The following RARS2 variants were observed in gnomAD, a reference collection of about 807,000 sequenced individuals.
RARS2 encodes the protein probable arginine--tRNA ligase, mitochondrial.
Under a neutral mutation model 88.5 loss-of-function variants are expected in RARS2, and 67 were observed. That is an observed-to-expected ratio of 0.76 (90% CI 0.62 to 0.93). The LOEUF (loss-of-function observed/expected upper bound fraction) is 0.93, where lower values mean the gene tolerates loss of function less well. RARS2 is among the 40% of genes least tolerant of loss of function. RARS2 has a pLI of 0.00. For synonymous variants in RARS2, 239 were observed against 230.3 expected, an observed-to-expected ratio of 1.04 and a Z score of -0.34; for missense variants, 664 against 684.2, an observed-to-expected ratio of 0.97 and a Z score of 0.33.
intron 1 of RARS2, among the ~76,000 whole-genome samples, chr6:87,574,858 T>G (rs1044039288): frequency 6.6e-6 from 1 of 152,094 alleles, no homozygotes; most frequent in Admixed American, 6.5e-5. Flanking sequence ...CATAACAGTA[T>G]AGTCATAATT....
At chr6:87,538,024 T>A (rs1779740525) in intron 8 of RARS2, among the ~76,000 whole-genome samples, 1 of 152,240 alleles carries the variant, frequency 6.6e-6, no homozygotes, top group Non-Finnish European at 1.5e-5. Context: ...AACATTTGCT[T>A]AAAGCTCAAA....
At chr6:87,562,963 A>G (rs926032031) in intron 3 of RARS2, among the ~76,000 whole-genome samples, 178 bp from the exon 4 acceptor site, 1 of 151,934 alleles carries the variant, frequency 6.6e-6, no homozygotes, top group Non-Finnish European at 1.5e-5. Context: ...AAGTAAACAC[A>G]TTTTCTTTTT....
chr6:87,569,650 G>A, intron 1 of RARS2, 60 bp from the exon 2 acceptor site: 2 of 1,286,326 alleles, frequency 1.6e-6, no homozygotes, highest in Admixed American at 1.7e-5. Context: ...CCATTCAATG[G>A]AATACCACTT....
intron 9 of RARS2, among the ~76,000 whole-genome samples, chr6:87,530,078 A>C (rs1028402922): frequency 2.0e-5 from 3 of 151,994 alleles, no homozygotes; most frequent in Non-Finnish European, 4.4e-5. Flanking sequence ...CACACTATTC[A>C]CCCTTCAAGC....
chr6:87,568,144 T>C (rs1032683535), intron 2 of RARS2, among the ~76,000 whole-genome samples: 1 of 152,178 alleles, frequency 6.6e-6, no homozygotes, highest in Non-Finnish European at 1.5e-5. Flanking sequence ...GGAAATCCTA[T>C]TCAAAAGATG....
chr6:87,557,616 C>A, intron 4 of RARS2, among the ~76,000 whole-genome samples: 1 of 152,194 alleles, frequency 6.6e-6, no homozygotes, highest in Non-Finnish European at 1.5e-5. Context: ...AAGTCCCTTT[C>A]GATCATCTGT....
intron 1 of RARS2, among the ~76,000 whole-genome samples, chr6:87,574,555 T>G (rs189534144): frequency 7.0e-4 from 106 of 151,736 alleles, no homozygotes; most frequent in Non-Finnish European, 1.2e-3. Context: ...GTGATCAAAC[T>G]GAAATAAACA....
At chr6:87,544,371 T>C (rs1460375608) in intron 7 of RARS2, among the ~76,000 whole-genome samples, 1 of 152,256 alleles carries the variant, frequency 6.6e-6, no homozygotes, top group Non-Finnish European at 1.5e-5. Context: ...GTGCTTCTTA[T>C]GTGACAAGCA....
At chr6:87,526,268 C>T (rs1336024563) in intron 10 of RARS2, among the ~76,000 whole-genome samples, 4 of 152,160 alleles carry the variant, frequency 2.6e-5, no homozygotes, top group South Asian at 4.1e-4. Context: ...ATAATCCCAG[C>T]ACTTTGGGGG....
intron 5 of RARS2, 92 bp downstream of exon 5, chr6:87,555,316 T>C (rs1582643805): frequency 2.1e-6 from 2 of 951,362 alleles, no homozygotes; most frequent in South Asian, 2.8e-5. Flanking sequence ...TTTCCACATG[T>C]TATTTATTAA....
chr6:87,577,775 G>A (rs769201023), intron 1 of RARS2, among the ~76,000 whole-genome samples: 1 of 152,172 alleles, frequency 6.6e-6, no homozygotes, highest in African/African-American at 2.4e-5. Flanking sequence ...ATTTGTGAGA[G>A]TGCCAATGTC....
At chr6:87,523,381 TAAC>T (rs907186948) in intron 11 of RARS2, among the ~76,000 whole-genome samples, 15 of 152,176 alleles carry the variant, frequency 9.9e-5, no homozygotes, top group Non-Finnish European at 1.5e-5. Flanking sequence ...TTGTCTGCTA[TAAC>T]AACTTTCATT....
chr6:87,537,976 T>C (rs778498486), intron 8 of RARS2, among the ~76,000 whole-genome samples: 3 of 152,226 alleles, frequency 2.0e-5, no homozygotes, highest in African/African-American at 4.8e-5. Flanking sequence ...AATTGAGTTG[T>C]TGACATTCAG....
At chr6:87,552,431 T>G (rs1042696878) in intron 5 of RARS2, among the ~76,000 whole-genome samples, 11 of 152,240 alleles carry the variant, frequency 7.2e-5, no homozygotes, top group African/African-American at 2.6e-4. Flanking sequence ...ATGTGAACTG[T>G]CAGAGGCAAA....
intron 8 of RARS2, among the ~76,000 whole-genome samples, chr6:87,536,697 T>G (rs1779293637): frequency 6.6e-6 from 1 of 152,068 alleles, no homozygotes; most frequent in Admixed American, 6.6e-5. Flanking sequence ...GGAAAGGCTT[T>G]TTGATATATT....
At chr6:87,572,788 G>A (rs888728895) in intron 1 of RARS2, among the ~76,000 whole-genome samples, 3 of 152,050 alleles carry the variant, frequency 2.0e-5, no homozygotes, top group African/African-American at 7.2e-5. Flanking sequence ...GGGGACTTAA[G>A]CACATAAAAT....
chr6:87,570,093 C>T (rs1769183122), intron 1 of RARS2, among the ~76,000 whole-genome samples: 1 of 151,966 alleles, frequency 6.6e-6, no homozygotes, highest in Admixed American at 6.6e-5. Context: ...TACAAATAAA[C>T]AAGTAAATAA....
At chr6:87,550,921 T>C (rs1784135736) in intron 5 of RARS2, among the ~76,000 whole-genome samples, 1 of 151,998 alleles carries the variant, frequency 6.6e-6, no homozygotes, top group Non-Finnish European at 1.5e-5. Context: ...GATTAATAGA[T>C]ACCCACAGAG....
chr6:87,529,663 A>C lies in RARS2; in HGVS notation c.772-15T>G. The C allele has an allele frequency of 6.5e-7, 1 of 1,543,160 alleles. No individual in the cohort carries two copies. Among genetic ancestry groups the C allele is most frequent in the Non-Finnish European group, 9.0e-7 (1 of 1,115,682 alleles). On this transcript the variant is annotated splice_polypyrimidine_tract_variant and intron_variant, in intron 9 of 19. Transcript: ENST00000369536. ...ACTCCCAGACGCTAAAAGAGTTCAG[A>C]AACAAAAAGACAAAGAAATGTTAAT...
Sources: gnomAD v4.1 joint callset for allele counts (sites outside exome capture counted in the v4.1 genomes callset) on GRCh38, gnomAD v4.1.1 for gene constraint, MANE v1.5 for transcripts, NCBI Gene and HGNC (gene_info 2026-07-23, HGNC 2026-07-21) for gene names.